The following DRD3 variants were observed in gnomAD, a reference collection of about 807,000 sequenced individuals.
DRD3 encodes the protein dopamine receptor D3, also known as D(3) dopamine receptor.
Under a neutral mutation model 36.3 loss-of-function variants are expected in DRD3, and 19 were observed. The ratio of observed to expected loss-of-function variants is 0.52; its 90% CI spans 0.36 to 0.77. The LOEUF (loss-of-function observed/expected upper bound fraction) is 0.77, where lower values mean the gene tolerates loss of function less well. DRD3 is among the 30% of genes least tolerant of loss of function. The pLI, the probability that DRD3 is intolerant of heterozygous loss-of-function variation, is 0.00. For missense variants in DRD3, 465 were observed against 505.3 expected, an observed-to-expected ratio of 0.92 and a Z score of 0.77; for synonymous variants, 195 against 203.7, an observed-to-expected ratio of 0.96 and a Z score of 0.36.
At chr3:114,168,881 C>T (rs76132833) in intron 2 of DRD3, among the ~76,000 whole-genome samples, 12,884 of 152,202 alleles carry the variant, frequency 0.085, 650 homozygotes, top group South Asian at 0.13. Flanking sequence ...AATTTTCCTT[C>T]GAAGAAGGTG....
At chr3:114,188,769 C>T (rs369907373) in intron 1 of DRD3, among the ~76,000 whole-genome samples, 11 of 152,290 alleles carry the variant, frequency 7.2e-5, no homozygotes, top group East Asian at 3.9e-4. Flanking sequence ...AGCACTGCTG[C>T]TGACAGATTT....
At chr3:114,142,360 T>C (rs956258361) in intron 4 of DRD3, among the ~76,000 whole-genome samples, 107 of 152,200 alleles carry the variant, frequency 7.0e-4, no homozygotes, top group African/African-American at 2.6e-3. Flanking sequence ...TTGTCATCCT[T>C]GGTGTCCCGG....
In DRD3 at chr3:114,186,748, G is replaced by A. The variant is rs186483845; in HGVS notation, c.-155-7972C>T. ...TCAAGGCTTCTCCTGGAAGTTGCAAGCTTTCAATAGATTCCAGAGTTCCAA... is the reference window on the plus strand; with the variant it reads ...TCAAGGCTTCTCCTGGAAGTTGCAAACTTTCAATAGATTCCAGAGTTCCAA... On this transcript the variant is annotated intron_variant, in intron 1 of 7. Coordinates refer to the DRD3 transcript ENST00000460779. 2.2e-4 allele frequency among the ~76,000 whole-genome samples: 34 copies of A among 152,346 alleles called. 1 individual carries two copies. The highest frequency in any genetic ancestry group is 1.6e-3 in the Admixed American group (25 of 15,300).
intron 4 of DRD3, 39 bp from the exon 5 acceptor site, chr3:114,139,735 T>A (rs2077508099): frequency 1.9e-6 from 3 of 1,595,224 alleles, no homozygotes. Flanking sequence ...AGTTAGCAAG[T>A]ATCAGAACTC....
Position 114,127,632 on chromosome 3 carries a change from G to A in DRD3, c.*1084C>T, listed in dbSNP as rs2077391977. ...TTATCAATATTAAGTATTACGTACT[G>A]TACACAATTGTATACTTTTACACGA... On this transcript the variant is annotated 3_prime_UTR_variant, in exon 7 of 7. Transcript: ENST00000383673. Among the ~76,000 whole-genome samples the A allele has an allele frequency of 6.6e-6, 1 of 152,186 alleles. No individual in the cohort carries two copies.
intron 5 of DRD3, among the ~76,000 whole-genome samples, chr3:114,136,656 G>T (rs910222067): frequency 1.3e-5 from 2 of 152,138 alleles, no homozygotes; most frequent in African/African-American, 4.8e-5. Context: ...TGTGTAGAAA[G>T]TCATTAACTA....
intron 1 of DRD3, among the ~76,000 whole-genome samples, chr3:114,195,682 G>A (rs1223253102): frequency 1.3e-5 from 2 of 152,114 alleles, no homozygotes; most frequent in East Asian, 1.9e-4. Context: ...GGGAGGGGTA[G>A]CCAGTATATT....
At chr3:114,194,744 T>C (rs2078028168) in intron 1 of DRD3, among the ~76,000 whole-genome samples, 1 of 152,216 alleles carries the variant, frequency 6.6e-6, no homozygotes, top group East Asian at 1.9e-4. Context: ...TGAAGGCAAG[T>C]GTGCTGTATT....
intron 3 of DRD3, among the ~76,000 whole-genome samples, chr3:114,154,967 G>A (rs2077652029): frequency 6.6e-6 from 1 of 152,126 alleles, no homozygotes; most frequent in Non-Finnish European, 1.5e-5. Flanking sequence ...AAACGAAATG[G>A]CAGCATTAAT....
chr3:114,139,383 G>A (rs929003503), intron 5 of DRD3, 117 bp downstream of exon 5: 13 of 979,106 alleles, frequency 1.3e-5, no homozygotes, highest in Middle Eastern at 3.4e-4. Flanking sequence ...TTCCAAAGTC[G>A]GTGTCAGATT....
intron 2 of DRD3, among the ~76,000 whole-genome samples, chr3:114,166,953 G>C (rs2077791099): frequency 6.6e-6 from 1 of 152,092 alleles, no homozygotes; most frequent in Non-Finnish European, 1.5e-5. Context: ...TTTTCCAGTA[G>C]GGAGGTCTTA....
At chr3:114,131,765 A>G (rs1274622601) in intron 5 of DRD3, among the ~76,000 whole-genome samples, 2 of 152,274 alleles carry the variant, frequency 1.3e-5, no homozygotes, top group Admixed American at 1.3e-4. Flanking sequence ...ATGAATAGAC[A>G]CTTCTCAAAA....
chr3:114,150,618 G>A (rs2077608331), intron 3 of DRD3, among the ~76,000 whole-genome samples: 1 of 152,162 alleles, frequency 6.6e-6, no homozygotes, highest in Non-Finnish European at 1.5e-5. Flanking sequence ...TTCTAATCCT[G>A]GCCAGGCTCA....
upstream of DRD3, among the ~76,000 whole-genome samples, chr3:114,183,860 A>C (rs2107899418): frequency 6.6e-6 from 1 of 152,082 alleles, no homozygotes; most frequent in East Asian, 1.9e-4. Flanking sequence ...CTTTGGATCT[A>C]AAGTTAGTTT....
At chr3:114,194,994 T>C (rs564107184) in intron 1 of DRD3, among the ~76,000 whole-genome samples, 2 of 152,266 alleles carry the variant, frequency 1.3e-5, no homozygotes, top group East Asian at 3.9e-4. Context: ...TCATAGGAAA[T>C]TCCCCCAGGC....
intron 1 of DRD3, among the ~76,000 whole-genome samples, chr3:114,172,882 CT>C (rs1450761861): frequency 3.3e-5 from 5 of 151,724 alleles, no homozygotes; most frequent in African/African-American, 1.2e-4. Context: ...GGGAGTAACC[CT>C]GAAACCCAAG....
At chr3:114,146,605 A>G (rs2077571819) in intron 4 of DRD3, among the ~76,000 whole-genome samples, 1 of 151,320 alleles carries the variant, frequency 6.6e-6, no homozygotes, top group Non-Finnish European at 1.5e-5. Context: ...AGTCTGAGGC[A>G]GGAGAATTGC....
Position 114,147,405 on chromosome 3 carries a change from T to A in DRD3, c.526+10A>T. The A allele has an allele frequency of 6.2e-7, 1 of 1,608,788 alleles. No homozygotes were observed. The highest frequency in any genetic ancestry group is 8.5e-7 in the Non-Finnish European group (1 of 1,175,734). ...CACATGGATGCTAGAAATGAAGCCA[T>A]CACTGTTACCTGTGGTATTAAAGCC... On this transcript the variant is annotated intron_variant, in intron 4 of 6. Coordinates refer to ENST00000383673, the MANE Select transcript of DRD3 (RefSeq NM_000796.6).
chr3:114,182,715 G>A (rs560194746), upstream of DRD3, among the ~76,000 whole-genome samples: 4 of 151,998 alleles, frequency 2.6e-5, no homozygotes, highest in Admixed American at 6.6e-5. Context: ...AGGTTTAAGC[G>A]ATTCTCTAAG....
Sources: allele counts gnomAD v4.1 joint callset (sites outside exome capture counted in the v4.1 genomes callset), GRCh38; gene constraint gnomAD v4.1.1; transcripts MANE v1.5; gene names NCBI Gene and HGNC (gene_info 2026-07-23, HGNC 2026-07-21).